MED29: variants seen among roughly 807,000 people sequenced by gnomAD.
MED29 encodes mediator complex subunit 29, also known as mediator of RNA polymerase II transcription subunit 29.
Under a neutral mutation model 22.0 loss-of-function variants are expected in MED29, and 14 were observed. That is an observed-to-expected ratio of 0.64 (90% CI 0.42 to 0.99). The LOEUF (loss-of-function observed/expected upper bound fraction) is 0.99. MED29 is among the 50% of genes least tolerant of loss of function. The pLI, the probability that MED29 is intolerant of heterozygous loss-of-function variation, is 0.00. For synonymous variants in MED29, 123 were observed against 107.8 expected (o/e 1.14, Z -0.87); for missense variants, 241 against 253.7 (o/e 0.95, Z 0.34).
In MED29 at chr19:39,397,513, G is replaced by T; in HGVS notation, c.417G>T (p.Thr139=). Residue 139 remains threonine, a synonymous_variant, in exon 4 of 4, where the codon ACG becomes ACT. Transcript: ENST00000315588. ...QSCDSAKHSP[T]LVPTATKPDA... ...GTGACAGTGCCAAGCACTCTCCAACGTTGGTGCCCACAGCCACCAAGCCCG... is the reference window on the plus strand; with the variant it reads ...GTGACAGTGCCAAGCACTCTCCAACTTTGGTGCCCACAGCCACCAAGCCCG... 1 of 1,611,998 alleles carries T rather than the reference G, an allele frequency of 6.2e-7. No homozygotes were observed. The highest frequency in any genetic ancestry group is 8.5e-7 in the Non-Finnish European group (1 of 1,180,004).
Position 39,397,771 on chromosome 19 carries a change from C to CCTAA in MED29, c.*73_*76dup. ...CAAAGGGAATGAAGAGCGTCCTGGG[C>CCTAA]CTAAACACAGCAGCCTCCTCTCTTC... On this transcript the variant is annotated 3_prime_UTR_variant, in exon 4 of 4. Transcript: ENST00000315588. 6.5e-7 allele frequency: 1 copy of CCTAA among 1,548,746 alleles called. No individual in the cohort carries two copies. The highest frequency in any genetic ancestry group is 2.3e-5 in the East Asian group (1 of 43,428).
chr19:39,397,826 G>T lies in MED29; in HGVS notation c.*127G>T. The T allele has an allele frequency of 6.9e-7, 1 of 1,449,738 alleles. No individual in the cohort carries two copies. The allele number at this position is 1,449,738 out of a possible 1,614,324, so 89.8% of individuals were successfully genotyped here. On this transcript the variant is annotated 3_prime_UTR_variant, in exon 4 of 4. Coordinates refer to ENST00000315588, the MANE Select transcript of MED29 (RefSeq NM_017592.4). Reference sequence around the variant, plus strand: ...CTGAGCACCGCAGCGGGAGCCAGCAGGGGGCAGCAGAGGCCAACAGGGAGC... The same window carrying T: ...CTGAGCACCGCAGCGGGAGCCAGCATGGGGCAGCAGAGGCCAACAGGGAGC...
chr19:39,395,404 T>C (rs761671152), intron 3 of MED29, among the ~76,000 whole-genome samples: 1 of 151,816 alleles, frequency 6.6e-6, no homozygotes, highest in Non-Finnish European at 1.5e-5. Flanking sequence ...GGCTGACAAA[T>C]GAGGGGAGGT....
At chr19:39,392,624 CTT>C (rs11432802) in intron 2 of MED29, 102 bp downstream of exon 2, 19,853 of 507,394 alleles carry the variant, frequency 0.039, no homozygotes, top group East Asian at 0.046. Flanking sequence ...TCTATATTTA[CTT>C]TTTTTTTTTT....
intron 1 of MED29, 62 bp from the exon 2 acceptor site, chr19:39,392,402 C>A: frequency 2.1e-6 from 3 of 1,419,078 alleles, no homozygotes; most frequent in Non-Finnish European, 3.0e-6. Flanking sequence ...GAGTGTAGAT[C>A]TGCCAGAGGT....
At position 39,400,553 on chromosome 19, in the gene MED29, T is replaced by A. The variant is rs2078456878; in HGVS notation, c.*2854T>A. Reference sequence around the variant, plus strand: ...ACTTTATTGAAAAACATTAAAAGTTTGAGAACTTAAGTTGGATTGTGGTTT... The same window carrying A: ...ACTTTATTGAAAAACATTAAAAGTTAGAGAACTTAAGTTGGATTGTGGTTT... On this transcript the variant is annotated 3_prime_UTR_variant, in exon 4 of 4. Coordinates refer to ENST00000315588, the MANE Select transcript of MED29 (RefSeq NM_017592.4). The A allele has an allele frequency of 6.6e-6, 1 of 152,230 alleles. No individual in the cohort carries two copies. 9.4% of individuals were successfully genotyped at this position (152,230 alleles called of 1,614,324 possible). A position where few individuals can be genotyped will look rare whatever the true frequency, so the allele number is the denominator to read the frequency against.
rs1303471069 is a variant in MED29 at position 39,398,721 on chromosome 19, T to C, written c.*1022T>C. On this transcript the variant is annotated 3_prime_UTR_variant, in exon 4 of 4. Coordinates refer to ENST00000315588, the MANE Select transcript of MED29 (RefSeq NM_017592.4). ...GGCCTGAGCAAGTGCAGGGCGGAGC[T>C]ACCAGCCCAGGCTCAGATGTTGGGG... 2 of 152,156 alleles carry C rather than the reference T, an allele frequency of 1.3e-5. No homozygotes were observed. Among genetic ancestry groups the C allele is most frequent in the Non-Finnish European group, 2.9e-5 (2 of 68,014 alleles). The allele number at this position is 152,156 out of a possible 1,614,324, so 9.4% of individuals were successfully genotyped here. A position where few individuals can be genotyped will look rare whatever the true frequency, so the allele number is the denominator to read the frequency against.
rs185472187 is a variant in MED29, at chr19:39,397,271, C to A, written c.361-186C>A. Among the ~76,000 whole-genome samples the A allele has an allele frequency of 1.4e-4, 21 of 152,322 alleles. No individual in the cohort carries two copies. The East Asian group carries it at 3.9e-3, about 28-fold the overall frequency. On this transcript the variant is annotated intron_variant, in intron 3 of 3. Transcript: ENST00000315588. ...TAAACCCGTTTTCCAAAGGAGGAAA[C>A]TGAGGCTCAGAGAAGAGTAGCCGCC...
Position 39,398,006 on chromosome 19 carries a change from A to T in MED29, c.*307A>T. 1.9e-6 allele frequency: 1 copy of T among 529,208 alleles called. No individual in the cohort carries two copies. Among genetic ancestry groups the T allele is most frequent in the Non-Finnish European group, 3.4e-6 (1 of 297,542 alleles). 32.8% of individuals were successfully genotyped at this position (529,208 alleles called of 1,614,324 possible). A position where few individuals can be genotyped will look rare whatever the true frequency, so the allele number is the denominator to read the frequency against. ...GAGCCCTGGCTGTCCCCTCTCCCTC[A>T]GTCCTTCCTGACTGTCTCCAGCTGG... On this transcript the variant is annotated 3_prime_UTR_variant, in exon 4 of 4. Coordinates refer to ENST00000315588, the MANE Select transcript of MED29 (RefSeq NM_017592.4).
At chr19:39,396,958 G>A (rs2078431859) in intron 3 of MED29, among the ~76,000 whole-genome samples, 1 of 151,852 alleles carries the variant, frequency 6.6e-6, no homozygotes, top group Non-Finnish European at 1.5e-5. Context: ...AACCTGGGAG[G>A]CGGAGGTTGC....
Position 39,397,496 on chromosome 19 carries a change from G to T in MED29, c.400G>T (p.Ala134Ser). The change falls in exon 4 of 4, where the codon GCC (alanine) becomes TCC (serine). Residue 134 changes from alanine (A) to serine (S), a missense_variant. By Grantham distance (99) the Ala-to-Ser change is moderately conservative (BLOSUM62 1). Transcript: ENST00000315588. ...HECLSQSCDS[A>S]KHSPTLVPTA... ...GTGCCTGTCACAGAGTTGTGACAGT[G>T]CCAAGCACTCTCCAACGTTGGTGCC... 1 of 1,610,152 alleles carries T rather than the reference G, an allele frequency of 6.2e-7. No homozygotes were observed.
chr19:39,392,499 GAACACTAACAT>G lies in MED29; in HGVS notation c.253_263del (p.Asn85ArgfsTer8), dbSNP rs2078394015. On this transcript the variant is annotated frameshift_variant, in exon 2 of 4. Coordinates refer to ENST00000315588, the MANE Select transcript of MED29 (RefSeq NM_017592.4). LOFTEE classifies it high-confidence loss of function. ...AGGTTGCGGCCCAAAACTTGATTCA[GAACACTAACAT>G]CGACAATGGACAGTGAGTGCAGCCC... The G allele has an allele frequency of 6.2e-7, 1 of 1,613,934 alleles. No individual in the cohort carries two copies. Among genetic ancestry groups the G allele is most frequent in the Non-Finnish European group, 8.5e-7 (1 of 1,179,992 alleles).
At chr19:39,392,637 T>TTC (rs781324073) in intron 2 of MED29, 115 bp downstream of exon 2, 12 of 949,038 alleles carry the variant, frequency 1.3e-5, no homozygotes, top group African/African-American at 1.7e-5. Flanking sequence ...TTTTTTTTTT[T>TTC]TTTTTTTGAG....
chr19:39,391,991 C>T (rs1600621706), intron 1 of MED29, among the ~76,000 whole-genome samples: 1 of 152,198 alleles, frequency 6.6e-6, no homozygotes, highest in Non-Finnish European at 1.5e-5. Flanking sequence ...TGCCATTGCA[C>T]TCCAGCCTGG....
Position 39,393,570 on chromosome 19 carries a change from C to A in MED29, c.293C>A (p.Pro98His), listed in dbSNP as rs1425667715. 1 of 1,613,924 alleles carries A rather than the reference C, an allele frequency of 6.2e-7. No individual in the cohort carries two copies. Among genetic ancestry groups the A allele is most frequent in the Non-Finnish European group, 8.5e-7 (1 of 1,179,952 alleles). Reference sequence around the variant, plus strand: ...GTCTGTAGAAAGAGCAGTGATGGACCCATACAGCGCTTTGACAAGTGCCTG... The same window carrying A: ...GTCTGTAGAAAGAGCAGTGATGGACACATACAGCGCTTTGACAAGTGCCTG... ...IDNGQKSSDG[P>H]IQRFDKCLEE... Residue 98 changes from proline to histidine, a missense_variant, in exon 3 of 4, where the codon CCC becomes CAC. By Grantham distance (77) the Pro-to-His change is moderately conservative (BLOSUM62 -2). Transcript: ENST00000315588.
At chr19:39,394,516 T>TA (rs1419812924) in intron 3 of MED29, among the ~76,000 whole-genome samples, 2 of 146,026 alleles carry the variant, frequency 1.4e-5, no homozygotes, top group African/African-American at 5.1e-5. Flanking sequence ...CTCAGTCTCC[T>TA]AAAGTGCTAG....
At chr19:39,393,081 CTTTTTTTTTTTTTTTTTTTTTT>C (rs142198224) in intron 2 of MED29, among the ~76,000 whole-genome samples, 1 of 34,712 alleles carries the variant, frequency 2.9e-5, no homozygotes, top group South Asian at 1.3e-3. Context: ...TCTTTCTTTT[CTTTTTTTTTTTTTTTTTTTTTT>C]TTTTTTTTTT....
In MED29 at chr19:39,398,233, G is replaced by A. The variant is rs2078441305; in HGVS notation, c.*534G>A. On this transcript the variant is annotated 3_prime_UTR_variant, in exon 4 of 4. Coordinates refer to ENST00000315588, the MANE Select transcript of MED29 (RefSeq NM_017592.4). ...TAACTGGGACTCTGTGTCTATGCAG[G>A]GGGCCAGCACCCCTGGGTTATCTGG... 1 of 162,162 alleles carries A rather than the reference G, an allele frequency of 6.2e-6. No homozygotes were observed. Among genetic ancestry groups the A allele is most frequent in the Non-Finnish European group, 1.3e-5 (1 of 74,616 alleles). 10.0% of individuals were successfully genotyped at this position (162,162 alleles called of 1,614,324 possible).
Position 39,391,436 on chromosome 19 carries a change from A to C in MED29, c.14A>C (p.Gln5Pro). The C allele has an allele frequency of 6.2e-7, 1 of 1,613,202 alleles. No homozygotes were observed. Among genetic ancestry groups the C allele is most frequent in the Non-Finnish European group, 8.5e-7 (1 of 1,179,198 alleles). The change falls in exon 1 of 4, where the codon CAG becomes CCG. Residue 5 changes from glutamine (Q) to proline (P), a missense_variant. Physicochemically the swap from Gln to Pro is moderately conservative, Grantham distance 76. Transcript: ENST00000315588. MAAS[Q>P]QQASAASSAA... ...TACGCGAGGAAGATGGCTGCATCCC[A>C]GCAGCAAGCTTCAGCGGCTTCCTCA...
Sources: allele counts gnomAD v4.1 joint callset (sites outside exome capture counted in the v4.1 genomes callset), GRCh38; gene constraint gnomAD v4.1.1; transcripts MANE v1.5; gene names NCBI Gene and HGNC (gene_info 2026-07-23, HGNC 2026-07-21).